Variants in MCC observed in about 807,000 individuals in gnomAD.
MCC encodes colorectal mutant cancer protein.
A neutral mutation model predicts 116.2 loss-of-function variants in MCC; 90 were observed. The observed-to-expected ratio is 0.77, with a 90% CI of 0.65 to 0.92. MCC has a LOEUF of 0.92. Among genes scored for constraint, MCC ranks in the 40% least tolerant of loss-of-function variants. The pLI is 0.00. For synonymous variants in MCC, 578 were observed against 510.5 expected (o/e 1.13, Z -1.78); for missense variants, 1,516 against 1,312.2 (o/e 1.16, Z -2.40).
At chr5:113,258,935 C>A (rs920096055) in intron 3 of MCC, among the ~76,000 whole-genome samples, 2 of 152,130 alleles carry the variant, frequency 1.3e-5, no homozygotes, top group African/African-American at 2.4e-5. Flanking sequence ...TATACAAGAA[C>A]AAGGTCTGTA....
intron 1 of MCC, among the ~76,000 whole-genome samples, chr5:113,470,749 T>G (rs1401547405): frequency 9.1e-6 from 1 of 109,644 alleles, no homozygotes. Flanking sequence ...ATTGGGGAAG[T>G]TCTCCTGGAT....
intron 6 of MCC, among the ~76,000 whole-genome samples, chr5:113,106,606 A>G (rs1255971252): frequency 6.6e-6 from 1 of 152,100 alleles, no homozygotes; most frequent in East Asian, 1.9e-4. Context: ...AATCCTGTGG[A>G]GTACAGGCAG....
intron 2 of MCC, among the ~76,000 whole-genome samples, chr5:113,345,571 A>G (rs1039073706): frequency 4.6e-5 from 7 of 152,260 alleles, no homozygotes; most frequent in African/African-American, 1.7e-4. Flanking sequence ...ACAGGGAAAG[A>G]GAGGCTTCGT....
chr5:113,065,518 A>C (rs1753542688), intron 13 of MCC, among the ~76,000 whole-genome samples: 1 of 152,182 alleles, frequency 6.6e-6, no homozygotes, highest in African/African-American at 2.4e-5. Context: ...TAACATACAA[A>C]AAAGGTAAAT....
At position 113,488,366 on chromosome 5, in the gene MCC, CGCCGCTGCTGGAGCTCCCCGCA is replaced by C; in HGVS notation, c.27_48del (p.Gly11AlafsTer44). On this transcript the variant is annotated frameshift_variant, in exon 1 of 19. Coordinates refer to ENST00000408903, the MANE Select transcript of MCC (RefSeq NM_001085377.2). LOFTEE classifies it high-confidence loss of function. ...CTGCTGCCGCTGCCGCCGCCGCCGCCGCCGCTGCTGGAGCTCCCCGCAGCCGCTGCCGCCGCGGCCGCCATCA... is the reference window on the plus strand; with the variant it reads ...CTGCTGCCGCTGCCGCCGCCGCCGCCGCCGCTGCCGCCGCGGCCGCCATCA... 6.6e-7 allele frequency: 1 copy of C among 1,520,478 alleles called. No homozygotes were observed. Among genetic ancestry groups the C allele is most frequent in the Non-Finnish European group, 8.8e-7 (1 of 1,139,770 alleles). 94.2% of individuals were successfully genotyped at this position (1,520,478 alleles called of 1,614,324 possible). A position where few individuals can be genotyped will look rare whatever the true frequency, so the allele number is the denominator to read the frequency against.
chr5:113,104,404 T>C (rs1030641865), intron 6 of MCC, 49 bp from the exon 7 acceptor site: 60 of 1,525,826 alleles, frequency 3.9e-5, no homozygotes, highest in Non-Finnish European at 5.3e-5. Flanking sequence ...ACAAATGCTG[T>C]CTGTTTTGCT....
chr5:113,054,531 C>A (rs903308499), intron 14 of MCC, among the ~76,000 whole-genome samples: 1 of 152,262 alleles, frequency 6.6e-6, no homozygotes, highest in African/African-American at 2.4e-5. Context: ...ACGCAGGTGT[C>A]CCAGGCTGTG....
intron 16 of MCC, among the ~76,000 whole-genome samples, chr5:113,046,467 T>C (rs550998461): frequency 1.3e-5 from 2 of 152,002 alleles, no homozygotes; most frequent in African/African-American, 4.8e-5. Context: ...ACTGGGATTA[T>C]AGGTATCAGC....
chr5:113,342,882 C>A (rs1482712309), intron 2 of MCC, among the ~76,000 whole-genome samples: 1 of 152,188 alleles, frequency 6.6e-6, no homozygotes, highest in Non-Finnish European at 1.5e-5. Flanking sequence ...ACAACACAAA[C>A]AACGGTCTAT....
intron 8 of MCC, among the ~76,000 whole-genome samples, chr5:113,096,378 G>A (rs1223121767): frequency 1.3e-5 from 2 of 152,190 alleles, no homozygotes; most frequent in African/African-American, 4.8e-5. Flanking sequence ...TCTGGCTCAT[G>A]GAAAGGCCTG....
intron 16 of MCC, among the ~76,000 whole-genome samples, chr5:113,047,398 G>A (rs1209594545): frequency 6.6e-6 from 1 of 152,212 alleles, no homozygotes; most frequent in Non-Finnish European, 1.5e-5. Context: ...GGGAGGGCTG[G>A]CCTGGCTGGG....
chr5:113,107,748 C>G (rs1756832704), intron 6 of MCC, among the ~76,000 whole-genome samples: 1 of 152,184 alleles, frequency 6.6e-6, no homozygotes, highest in Admixed American at 6.5e-5. Flanking sequence ...GCTGACTTCC[C>G]TAGCGCAGGT....
In MCC at chr5:113,104,282, C is replaced by A. The variant is rs770207701; in HGVS notation, c.1101G>T (p.Lys367Asn). Residue 367 changes from lysine (K) to asparagine (N), a missense_variant, in exon 7 of 19, where the codon AAG becomes AAT. Lys to Asn is a moderately conservative substitution (Grantham distance 94). Transcript: ENST00000408903. ...TGLENVVCGR[K>N]KSSCSLSVAE... Reference sequence around the variant, plus strand: ...CCACGGAGAGGCTGCAGCTGCTCTTCTTCCTGCCGCAGACAACATTCTCCA... The same window carrying A: ...CCACGGAGAGGCTGCAGCTGCTCTTATTCCTGCCGCAGACAACATTCTCCA... The A allele has an allele frequency of 6.2e-7, 1 of 1,614,106 alleles. No homozygotes were observed. The highest frequency in any genetic ancestry group is 8.5e-7 in the Non-Finnish European group (1 of 1,180,038).
At chr5:113,399,547 T>C (rs1257457470) in intron 1 of MCC, among the ~76,000 whole-genome samples, 1 of 152,162 alleles carries the variant, frequency 6.6e-6, no homozygotes, top group Non-Finnish European at 1.5e-5. Context: ...GTTATTATTC[T>C]AAGTAAATAA....
Position 113,373,255 on chromosome 5 carries a change from T to C in MCC, c.415+11713A>G, listed in dbSNP as rs139319072. ...GGTGTCTGATTGAGAAGAGAGTTGT[T>C]TCAATGAATGAAGGTGTCCACAACA... On this transcript the variant is annotated intron_variant, in intron 2 of 18. Transcript: ENST00000408903. 7.4e-4 allele frequency among the ~76,000 whole-genome samples: 113 copies of C among 152,182 alleles called. 1 individual carries two copies. The East Asian group carries it at 0.02, about 28-fold the overall frequency.
intron 15 of MCC, 71 bp from the exon 16 acceptor site, chr5:113,049,370 G>C: frequency 2.3e-6 from 3 of 1,330,068 alleles, no homozygotes; most frequent in African/African-American, 2.9e-5. Context: ...CTGCCAAGTG[G>C]GTGGGTGGGG....
intron 1 of MCC, among the ~76,000 whole-genome samples, chr5:113,395,946 G>T (rs1452516740): frequency 6.6e-6 from 1 of 152,168 alleles, no homozygotes; most frequent in Admixed American, 6.5e-5. Flanking sequence ...TTGTTAAAAG[G>T]CTTCCTAAGT....
intron 3 of MCC, among the ~76,000 whole-genome samples, chr5:113,338,275 A>G (rs527747113): frequency 6.6e-6 from 1 of 152,320 alleles, no homozygotes; most frequent in African/African-American, 2.4e-5. Context: ...GTGTTCCCTC[A>G]TTTCTAAAGC....
At position 113,209,848 on chromosome 5, in the gene MCC, GAACAAACA is replaced by G. The variant is rs373662127; in HGVS notation, c.628-58434_628-58427del. ...AAAAGAAAAACACCAAGTCTGACCAGAACAAACAAACAAACAAAAGCAAAACAAAAAGG... is the reference window on the plus strand; with the variant it reads ...AAAAGAAAAACACCAAGTCTGACCAGAACAAACAAAAGCAAAACAAAAAGG... On this transcript the variant is annotated intron_variant, in intron 3 of 18. Transcript: ENST00000408903. Among the ~76,000 whole-genome samples the G allele has an allele frequency of 2.0e-5, 3 of 151,828 alleles. No individual in the cohort carries two copies. The South Asian group carries it at 6.2e-4, about 32-fold the overall frequency.
Sources: allele counts gnomAD v4.1 joint callset (sites outside exome capture counted in the v4.1 genomes callset), GRCh38; gene constraint gnomAD v4.1.1; transcripts MANE v1.5; gene names NCBI Gene and HGNC (gene_info 2026-07-23, HGNC 2026-07-21).